The following CRADD variants were observed in gnomAD, a reference collection of about 807,000 sequenced individuals.
CRADD encodes the protein CARD and death domain containing adaptor protein.
A neutral mutation model predicts 15.5 loss-of-function variants in CRADD; 9 were observed. The observed-to-expected ratio is 0.58, with a 90% CI of 0.35 to 1.01. The LOEUF (loss-of-function observed/expected upper bound fraction) is 1.01. Among genes scored for constraint, CRADD ranks in the 50% least tolerant of loss-of-function variants. The probability of loss-of-function intolerance (pLI) is 0.02; values close to 1 mark genes in which losing one functional copy is unlikely to be tolerated. For missense variants in CRADD, 227 were observed against 250.3 expected, an observed-to-expected ratio of 0.91 and a Z score of 0.63; for synonymous variants, 118 against 107.6, an observed-to-expected ratio of 1.10 and a Z score of -0.60.
intron 2 of CRADD, among the ~76,000 whole-genome samples, chr12:93,706,254 T>C (rs1592906197): frequency 6.6e-6 from 1 of 152,244 alleles, no homozygotes; most frequent in Non-Finnish European, 1.5e-5. Flanking sequence ...TGCCATGCCC[T>C]TAGCTTTCAG....
At chr12:93,728,764 T>A (rs995050656) in intron 2 of CRADD, among the ~76,000 whole-genome samples, 13 of 152,108 alleles carry the variant, frequency 8.5e-5, no homozygotes, top group African/African-American at 2.9e-4. Flanking sequence ...AACAATATAT[T>A]AACAAATGGA....
intron 2 of CRADD, among the ~76,000 whole-genome samples, chr12:93,812,264 G>A (rs1256794122): frequency 6.6e-6 from 1 of 152,112 alleles, no homozygotes; most frequent in African/African-American, 2.4e-5. Flanking sequence ...TTGTGTATTT[G>A]ACAAACCCTT....
chr12:93,841,934 CCGGAGGAATGTAT>C (rs1471553757), intron 2 of CRADD, among the ~76,000 whole-genome samples: 1 of 152,044 alleles, frequency 6.6e-6, no homozygotes, highest in African/African-American at 2.4e-5. Context: ...ACCAGACCCT[CCGGAGGAATGTAT>C]ATAGTTTTTA....
chr12:93,734,796 T>C (rs980497217), intron 2 of CRADD, among the ~76,000 whole-genome samples: 12 of 152,188 alleles, frequency 7.9e-5, no homozygotes, highest in African/African-American at 2.9e-4. Context: ...TTCCCTCAGC[T>C]TGGAATCCTC....
intron 2 of CRADD, among the ~76,000 whole-genome samples, chr12:93,823,979 AAC>A (rs1385736168): frequency 2.0e-5 from 3 of 152,156 alleles, no homozygotes; most frequent in Non-Finnish European, 4.4e-5. Context: ...AGTTGTGGAG[AAC>A]ACAGTGACCC....
intron 2 of CRADD, among the ~76,000 whole-genome samples, chr12:93,799,279 G>A (rs892807205): frequency 6.6e-6 from 1 of 152,056 alleles, no homozygotes; most frequent in Non-Finnish European, 1.5e-5. Context: ...ACTTTCTGAG[G>A]TTATGTTTGT....
At chr12:93,843,514 G>T (rs1236941886) in intron 2 of CRADD, among the ~76,000 whole-genome samples, 1 of 150,992 alleles carries the variant, frequency 6.6e-6, no homozygotes, top group Non-Finnish European at 1.5e-5. Context: ...CAAGTAGCTG[G>T]GAATACAGGT....
intron 2 of CRADD, among the ~76,000 whole-genome samples, chr12:93,703,153 A>T (rs61928986): frequency 0.038 from 5,734 of 152,226 alleles, 171 homozygotes; most frequent in South Asian, 0.067. Context: ...TTACCTTCCA[A>T]AGGTCACAAA....
intron 2 of CRADD, among the ~76,000 whole-genome samples, chr12:93,727,395 G>C (rs1956387520): frequency 2.0e-5 from 3 of 152,140 alleles, no homozygotes; most frequent in African/African-American, 7.2e-5. Flanking sequence ...GGGAATCTCT[G>C]AGCTTCATTA....
intron 2 of CRADD, among the ~76,000 whole-genome samples, chr12:93,860,916 C>CTCA (rs1243343861): frequency 6.6e-6 from 1 of 152,210 alleles, no homozygotes; most frequent in Non-Finnish European, 1.5e-5. Flanking sequence ...GTCTTGCTTC[C>CTCA]ATGAGCACCT....
intron 2 of CRADD, among the ~76,000 whole-genome samples, chr12:93,863,460 G>A (rs965206605): frequency 3.3e-5 from 5 of 151,994 alleles, no homozygotes; most frequent in African/African-American, 7.3e-5. Flanking sequence ...AAAAATACCC[G>A]AACGTAGCTT....
At chr12:93,711,335 C>G (rs769087467) in intron 2 of CRADD, among the ~76,000 whole-genome samples, 8 of 152,046 alleles carry the variant, frequency 5.3e-5, no homozygotes, top group Non-Finnish European at 1.2e-4. Context: ...CTTCCATCTT[C>G]ACTGTCCTTG....
chr12:93,823,203 A>G (rs1957787234), intron 2 of CRADD, among the ~76,000 whole-genome samples: 1 of 152,028 alleles, frequency 6.6e-6, no homozygotes, highest in Non-Finnish European at 1.5e-5. Context: ...GAAACAGGAG[A>G]ATCGCTTGAA....
chr12:93,892,501 G>A (rs1958583097), intron 2 of CRADD, among the ~76,000 whole-genome samples: 1 of 152,076 alleles, frequency 6.6e-6, no homozygotes, highest in Non-Finnish European at 1.5e-5. Flanking sequence ...ACAGTGCCGA[G>A]TCTGCCTGCC....
At chr12:93,869,963 T>C (rs1958404126) in intron 2 of CRADD, among the ~76,000 whole-genome samples, 1 of 151,794 alleles carries the variant, frequency 6.6e-6, no homozygotes, top group African/African-American at 2.4e-5. Flanking sequence ...CAGAAAAAGA[T>C]AGAAATTCAT....
At position 93,726,094 on chromosome 12, in the gene CRADD, GTTTTTTT is replaced by G. The variant is rs1165429350; in HGVS notation, c.298+47040_298+47046del. Among the ~76,000 whole-genome samples, 145 of 96,040 alleles carry G rather than the reference GTTTTTTT, an allele frequency of 1.5e-3. 1 individual carries two copies. Among genetic ancestry groups the G allele is most frequent in the African/African-American group, 4.9e-3 (135 of 27,294 alleles). The allele number at this position is 96,040 out of a possible 152,430, so 63.0% of individuals were successfully genotyped here. A position where few individuals can be genotyped will look rare whatever the true frequency, so the allele number is the denominator to read the frequency against. On this transcript the variant is annotated intron_variant, in intron 2 of 2. Transcript: ENST00000332896. Reference sequence around the variant, plus strand: ...GAACTGGTGAAGAGTAAATAGTTTAGTTTTTTTTTTTTTTTTTTTTTTTTCTTGAGAT... The same window carrying G: ...GAACTGGTGAAGAGTAAATAGTTTAGTTTTTTTTTTTTTTTTTCTTGAGAT...
intron 2 of CRADD, among the ~76,000 whole-genome samples, chr12:93,722,736 A>C (rs1592928863): frequency 6.6e-6 from 1 of 152,172 alleles, no homozygotes; most frequent in East Asian, 1.9e-4. Flanking sequence ...CATGCTGACT[A>C]TCTATTAGAG....
At chr12:93,763,029 A>C (rs1956985715) in intron 2 of CRADD, among the ~76,000 whole-genome samples, 1 of 152,210 alleles carries the variant, frequency 6.6e-6, no homozygotes, top group Admixed American at 6.5e-5. Context: ...GCACTTACAG[A>C]ATGGTGATAA....
chr12:93,724,222 A>G (rs1956313674), intron 2 of CRADD, among the ~76,000 whole-genome samples: 1 of 152,026 alleles, frequency 6.6e-6, no homozygotes, highest in African/African-American at 2.4e-5. Context: ...TCTCCTAAAA[A>G]TACAAAAACT....
Sources: gnomAD v4.1 joint callset for allele counts (sites outside exome capture counted in the v4.1 genomes callset) on GRCh38, gnomAD v4.1.1 for gene constraint, MANE v1.5 for transcripts, NCBI Gene and HGNC (gene_info 2026-07-23, HGNC 2026-07-21) for gene names.